PIEZO1: variants seen among roughly 807,000 people sequenced by gnomAD.
PIEZO1 encodes piezo type mechanosensitive ion channel component 1 (Er blood group), also known as piezo-type mechanosensitive ion channel component 1.
Under a neutral mutation model 297.2 loss-of-function variants are expected in PIEZO1, and 296 were observed. The observed-to-expected ratio is 1.00, with a 90% CI of 0.91 to 1.10. The LOEUF is 1.10. Among genes scored for constraint, PIEZO1 ranks in the 50% least tolerant of loss-of-function variants. The pLI is 0.00. For synonymous variants in PIEZO1, 2,427 were observed against 1,507.5 expected, an observed-to-expected ratio of 1.61 and a Z score of -14.13; for missense variants, 5,018 against 3,455.5, an observed-to-expected ratio of 1.45 and a Z score of -11.34.
chr16:88,734,622 CT>C, intron 15 of PIEZO1, 27 bp downstream of exon 15: 1 of 1,549,826 alleles, frequency 6.5e-7, no homozygotes, highest in Non-Finnish European at 8.7e-7. Context: ...TTCGGCGCCC[CT>C]GCCCCACCGC....
chr16:88,721,037 TG>T, intron 39 of PIEZO1, 128 bp downstream of exon 39: 1 of 987,100 alleles, frequency 1.0e-6, no homozygotes, highest in Non-Finnish European at 1.4e-6. Context: ...GGCTCAGAAG[TG>T]GCACCTTCCT....
At position 88,715,555 on chromosome 16, in the gene PIEZO1, A is replaced by G. The variant is rs963098971; in HGVS notation, c.*50T>C. ...CTGAGGAGTGCCGCCCCTTGTGGCC[A>G]CGCTGCCCAGCAGGCCGGCTCCTTC... On this transcript the variant is annotated 3_prime_UTR_variant, in exon 51 of 51. Coordinates refer to ENST00000301015, the MANE Select transcript of PIEZO1 (RefSeq NM_001142864.4). 2.0e-6 allele frequency: 3 copies of G among 1,521,226 alleles called. No individual in the cohort carries two copies. In the African/African-American group the frequency reaches 4.1e-5, roughly 21 times the overall value. 94.2% of individuals were successfully genotyped at this position (1,521,226 alleles called of 1,614,324 possible). A position where few individuals can be genotyped will look rare whatever the true frequency, so the allele number is the denominator to read the frequency against.
Position 88,738,040 on chromosome 16 carries a change from T to G in PIEZO1, c.914A>C (p.Asn305Thr), listed in dbSNP as rs868082098. 3 of 1,535,554 alleles carry G rather than the reference T, an allele frequency of 2.0e-6. No homozygotes were observed. Among genetic ancestry groups the G allele is most frequent in the African/African-American group, 1.4e-5 (1 of 73,000 alleles). The part of the protein sequence containing the change: ...NCSSPHALVL[N>T]TGLDWPVYAS... ...ATACACAGGCCAGTCCAGGCCGGTGTTGAGGACCAGCGCGTGGGGGCTGGA... is the reference window on the plus strand; with the variant it reads ...ATACACAGGCCAGTCCAGGCCGGTGGTGAGGACCAGCGCGTGGGGGCTGGA... Residue 305 changes from asparagine (N) to threonine (T), a missense_variant, in exon 8 of 51, where the codon AAC (asparagine) becomes ACC (threonine). By Grantham distance (65) the Asn-to-Thr change is moderately conservative (BLOSUM62 0). Coordinates refer to ENST00000301015, the MANE Select transcript of PIEZO1 (RefSeq NM_001142864.4).
chr16:88,734,538 C>G lies in PIEZO1; in HGVS notation c.1998G>C (p.Gln666His). The change falls in exon 16 of 51, where the codon CAG (glutamine) becomes CAC (histidine). Residue 666 changes from glutamine to histidine, a missense_variant and splice_region_variant. Physicochemically the swap from Gln to His is conservative, Grantham distance 24 (BLOSUM62 0). Transcript: ENST00000301015. ...ACTGCTCCAGGCCCAGGTCCCCCAG[C>G]CTGTGGAGGGGCAGCATCAGCACCG... ...WRNLTGFTDE[Q>H]LGDLGLEQFS... 6.5e-7 allele frequency: 1 copy of G among 1,542,176 alleles called. No individual in the cohort carries two copies. The highest frequency in any genetic ancestry group is 8.8e-7 in the Non-Finnish European group (1 of 1,142,052).
intron 2 of PIEZO1, chr16:88,743,244 T>C (rs1183420150): frequency 2.2e-6 from 1 of 456,496 alleles, no homozygotes; most frequent in Admixed American, 2.3e-5. Flanking sequence ...TGGCTTCACC[T>C]CTGCTCTCGG....
At chr16:88,733,023 C>T (rs1904972093) in intron 19 of PIEZO1, 1 of 581,338 alleles carries the variant, frequency 1.7e-6, no homozygotes, top group Non-Finnish European at 3.1e-6. Context: ...AGGGGTGGGG[C>T]CCTCCCGTCC....
intron 2 of PIEZO1, among the ~76,000 whole-genome samples, chr16:88,747,708 G>A (rs556496550): frequency 1.3e-5 from 2 of 152,350 alleles, no homozygotes; most frequent in Admixed American, 6.5e-5. Context: ...CACATGCAGA[G>A]GCGAGTCCAG....
At chr16:88,734,841 C>T (rs748283881) in intron 14 of PIEZO1, 34 bp downstream of exon 14, 16 of 1,549,942 alleles carry the variant, frequency 1.0e-5, no homozygotes, top group Middle Eastern at 1.7e-4. Context: ...GGGGAGGGTC[C>T]GTGCCCCAGC....
intron 1 of PIEZO1, among the ~76,000 whole-genome samples, chr16:88,768,275 G>A (rs1907264669): frequency 6.6e-6 from 1 of 152,188 alleles, no homozygotes; most frequent in South Asian, 2.1e-4. Context: ...GGACCTTATG[G>A]CAGGGTGTCC....
chr16:88,720,527 TG>T lies in PIEZO1; in HGVS notation c.5806del (p.Gln1936ArgfsTer74). The T allele has an allele frequency of 6.5e-7, 1 of 1,549,956 alleles. No individual in the cohort carries two copies. Among genetic ancestry groups the T allele is most frequent in the African/African-American group, 1.4e-5 (1 of 73,152 alleles). On this transcript the variant is annotated frameshift_variant, in exon 41 of 51. Coordinates refer to ENST00000301015, the MANE Select transcript of PIEZO1 (RefSeq NM_001142864.4). LOFTEE classifies it high-confidence loss of function. ...GCGCCGTAGCGGCCGATATGTGCCC[TG>T]GGCCCTGCGGAAGGGGGCGCTCAGC... ...RLQGFCLSLA[Q>X]GTYRPLRRFF...
At chr16:88,765,629 GGC>G (rs1171921554) in intron 1 of PIEZO1, among the ~76,000 whole-genome samples, 3 of 152,018 alleles carry the variant, frequency 2.0e-5, no homozygotes, top group Non-Finnish European at 4.4e-5. Context: ...CCTGGAGCCT[GGC>G]TCCCTGGTCT....
intron 3 of PIEZO1, 52 bp from the exon 4 acceptor site, chr16:88,742,147 T>C (rs2142844338): frequency 6.5e-7 from 1 of 1,531,858 alleles, no homozygotes; most frequent in East Asian, 2.4e-5. Flanking sequence ...GCCAGCACCG[T>C]GGCCTGGTCA....
rs1254659580 is a variant in PIEZO1, at chr16:88,736,351, G to T, written c.1354C>A (p.Leu452Ile). 2 of 1,549,960 alleles carry T rather than the reference G, an allele frequency of 1.3e-6. No individual in the cohort carries two copies. The highest frequency in any genetic ancestry group is 4.9e-5 in the East Asian group (2 of 40,922). The change falls in exon 12 of 51, where the codon CTC becomes ATC. Residue 452 changes from leucine (L) to isoleucine (I), a missense_variant. Coordinates refer to ENST00000301015, the MANE Select transcript of PIEZO1 (RefSeq NM_001142864.4). Reference sequence around the variant, plus strand: ...TGGCGGCTGCGCACCGTCCAGATGAGGCAGGCCCAGAGCAGCAGTACGAAG... The same window carrying T: ...TGGCGGCTGCGCACCGTCCAGATGATGCAGGCCCAGAGCAGCAGTACGAAG... ...LTFVLLLWAC[L>I]IWTVRSRHQL... is the part of the protein sequence containing the mutation.
chr16:88,773,546 A>C (rs1192108620), intron 1 of PIEZO1, among the ~76,000 whole-genome samples: 1 of 152,214 alleles, frequency 6.6e-6, no homozygotes, highest in Non-Finnish European at 1.5e-5. Context: ...CTGGGGGCTC[A>C]AGGCCACCCC....
intron 2 of PIEZO1, among the ~76,000 whole-genome samples, chr16:88,748,598 C>A (rs900881605): frequency 2.0e-5 from 3 of 152,034 alleles, no homozygotes; most frequent in Non-Finnish European, 4.4e-5. Flanking sequence ...AGAGCCTCAG[C>A]AGGCAGGAAA....
rs1391173232 is a variant in PIEZO1, at chr16:88,721,248, C to T, written c.5586G>A (p.Arg1862=). 1.3e-6 allele frequency: 2 copies of T among 1,542,602 alleles called. No homozygotes were observed. Among genetic ancestry groups the T allele is most frequent in the East Asian group, 2.4e-5 (1 of 40,902 alleles). The change falls in exon 39 of 51, where the codon AGG becomes AGA. Residue 1862 remains arginine, a synonymous_variant. Transcript: ENST00000301015. ...DGTPEPQVEL[R]PRDTRRISLR... is the part of the protein sequence containing the mutation. Reference sequence around the variant, plus strand: ...GACTGATGCGCCTCGTATCACGGGGCCTGAGCTCCACTTGGGGTTCTGGGG... The same window carrying T: ...GACTGATGCGCCTCGTATCACGGGGTCTGAGCTCCACTTGGGGTTCTGGGG...
chr16:88,760,152 C>T (rs1217581822), intron 1 of PIEZO1, among the ~76,000 whole-genome samples: 2 of 152,158 alleles, frequency 1.3e-5, no homozygotes, highest in Admixed American at 6.5e-5. Flanking sequence ...ACCTCGCCGG[C>T]GGGGCCTCCG....
Position 88,726,880 on chromosome 16 carries a change from C to T in PIEZO1, c.3534G>A (p.Gly1178=). 5 of 1,550,402 alleles carry T rather than the reference C, an allele frequency of 3.2e-6. No individual in the cohort carries two copies. The highest frequency in any genetic ancestry group is 2.4e-5 in the South Asian group (2 of 84,060). The change falls in exon 25 of 51, where the codon GGG becomes GGA. Residue 1178 remains glycine, a synonymous_variant. Transcript: ENST00000301015. ...WLVLVVVFVT[G]ATRISIFGLG... is the part of the protein sequence containing the mutation. Reference sequence around the variant, plus strand: ...GCCCGAAGATGCTGATGCGGGTGGCCCCCGTGACAAACACCACCACCAGCA... The same window carrying T: ...GCCCGAAGATGCTGATGCGGGTGGCTCCCGTGACAAACACCACCACCAGCA...
rs192853485 is a variant in PIEZO1, at chr16:88,715,434, C to T, written c.*171G>A. On this transcript the variant is annotated 3_prime_UTR_variant, in exon 51 of 51. Coordinates refer to ENST00000301015, the MANE Select transcript of PIEZO1 (RefSeq NM_001142864.4). Reference sequence around the variant, plus strand: ...GGCAGCGCCACGCAGGCCGTGGGGACGCAGTGTCCTTCTCTGACAGCAGCA... The same window carrying T: ...GGCAGCGCCACGCAGGCCGTGGGGATGCAGTGTCCTTCTCTGACAGCAGCA... The T allele has an allele frequency of 2.6e-4, 239 of 921,412 alleles. No individual in the cohort carries two copies. In the Admixed American group the frequency reaches 3.1e-3, roughly 12 times the overall value. 57.1% of individuals were successfully genotyped at this position (921,412 alleles called of 1,614,324 possible).
Sources: allele counts gnomAD v4.1 joint callset (sites outside exome capture counted in the v4.1 genomes callset), GRCh38; gene constraint gnomAD v4.1.1; transcripts MANE v1.5; gene names NCBI Gene and HGNC (gene_info 2026-07-23, HGNC 2026-07-21).